Variants in ADGRL3 observed in about 807,000 individuals in gnomAD.
The protein encoded by ADGRL3 is adhesion G protein-coupled receptor L3, also known as calcium-independent alpha-latrotoxin receptor 3.
ADGRL3 carries 62 observed loss-of-function variants against 153.5 expected under a neutral mutation model. That is an observed-to-expected ratio of 0.40 (90% confidence interval 0.33 to 0.50). The LOEUF (loss-of-function observed/expected upper bound fraction) is 0.50, where lower values mean the gene tolerates loss of function less well. Among genes scored for constraint, ADGRL3 ranks in the 20% least tolerant of loss-of-function variants. The pLI is 0.47. For missense variants in ADGRL3, 1,641 were observed against 1,859.4 expected, an observed-to-expected ratio of 0.88 and a Z score of 2.16; for synonymous variants, 710 against 672.5, an observed-to-expected ratio of 1.06 and a Z score of -0.86.
intron 25 of ADGRL3, among the ~76,000 whole-genome samples, chr4:62,055,254 A>G (rs1299264229): frequency 2.6e-5 from 4 of 151,820 alleles, no homozygotes; most frequent in Non-Finnish European, 5.9e-5. Context: ...CAGAGGCAAC[A>G]CCTCTGAAAT....
chr4:61,574,866 G>A (rs996328511), intron 4 of ADGRL3, among the ~76,000 whole-genome samples: 73 of 151,594 alleles, frequency 4.8e-4, no homozygotes, highest in African/African-American at 1.4e-3. Context: ...AGAGAAATTG[G>A]CTAATTTATA....
At chr4:61,663,696 T>C (rs1472540441) in intron 5 of ADGRL3, among the ~76,000 whole-genome samples, 1 of 152,154 alleles carries the variant, frequency 6.6e-6, no homozygotes, top group Admixed American at 6.5e-5. Context: ...ACATCCCACG[T>C]CTCCTGTGAC....
At chr4:61,301,766 A>G (rs1366172450) in intron 1 of ADGRL3, among the ~76,000 whole-genome samples, 3 of 152,224 alleles carry the variant, frequency 2.0e-5, no homozygotes, top group Non-Finnish European at 2.9e-5. Context: ...ACAAATTTCA[A>G]TTTGTCCATG....
chr4:61,457,277 G>A (rs1056230928), intron 2 of ADGRL3, among the ~76,000 whole-genome samples: 9 of 151,586 alleles, frequency 5.9e-5, no homozygotes, highest in African/African-American at 1.5e-4. Context: ...AAATATTTAG[G>A]GGCTGGCATC....
intron 3 of ADGRL3, among the ~76,000 whole-genome samples, chr4:61,503,631 AT>A (rs976200995): frequency 2.6e-5 from 4 of 152,080 alleles, no homozygotes; most frequent in African/African-American, 9.7e-5. Context: ...ATTAGAAGAC[AT>A]TTAGTTTTAA....
intron 9 of ADGRL3, among the ~76,000 whole-genome samples, chr4:61,855,716 A>G (rs1290724073): frequency 6.6e-6 from 1 of 151,420 alleles, no homozygotes; most frequent in African/African-American, 2.4e-5. Context: ...ATTAATGAAG[A>G]AAAAAAAATA....
chr4:61,835,224 TTTTCCAAAACGA>T (rs2097917460), intron 9 of ADGRL3, among the ~76,000 whole-genome samples: 3 of 151,822 alleles, frequency 2.0e-5, no homozygotes, highest in Non-Finnish European at 4.4e-5. Flanking sequence ...ACAGGGTTTT[TTTTCCAAAACGA>T]GTTCTGCGGC....
chr4:61,657,426 T>C (rs1306934424), intron 5 of ADGRL3, among the ~76,000 whole-genome samples: 4 of 151,782 alleles, frequency 2.6e-5, no homozygotes, highest in African/African-American at 4.9e-5. Context: ...AATGTTTATT[T>C]ATCATTTCAT....
At chr4:61,941,327 T>G (rs2098892380) in intron 15 of ADGRL3, among the ~76,000 whole-genome samples, 1 of 119,938 alleles carries the variant, frequency 8.3e-6, no homozygotes, top group Non-Finnish European at 1.7e-5. Flanking sequence ...CTGTTTTGGT[T>G]ACTGTAGCCT....
rs79403202 is a variant in ADGRL3, at chr4:61,822,306, G to A, written c.1480+8417G>A. The stretch of plus-strand genomic sequence containing the variant: ...AGAGTATAGCTTGTTAATATTAACG[G>A]TAAAGACAATTCCCATTTATTAAGT... On this transcript the variant is annotated intron_variant, in intron 9 of 26. Coordinates refer to ENST00000683033, the MANE Select transcript of ADGRL3 (RefSeq NM_001387552.1). Among the ~76,000 whole-genome samples, 1,108 of 152,228 alleles carry A rather than the reference G, an allele frequency of 7.3e-3. 4 individuals carry two copies. The highest frequency in any genetic ancestry group is 0.012 in the Non-Finnish European group (828 of 68,008).
At chr4:61,451,014 AAGTT>A (rs1311272061) in intron 2 of ADGRL3, among the ~76,000 whole-genome samples, 18 of 152,246 alleles carry the variant, frequency 1.2e-4, no homozygotes, top group Admixed American at 1.2e-3. Flanking sequence ...AGATGAAAAA[AAGTT>A]AGTAACCATT....
chr4:61,446,038 T>C (rs1222720763), intron 2 of ADGRL3, among the ~76,000 whole-genome samples: 2 of 152,132 alleles, frequency 1.3e-5, no homozygotes, highest in Non-Finnish European at 2.9e-5. Context: ...ACAGCCTAGA[T>C]GTTTAGTAGG....
chr4:61,919,653 C>G (rs1251737095), intron 13 of ADGRL3, among the ~76,000 whole-genome samples: 1 of 152,088 alleles, frequency 6.6e-6, no homozygotes, highest in African/African-American at 2.4e-5. Flanking sequence ...GTAATTCATA[C>G]AGGTATTATT....
chr4:61,895,911 A>C (rs1245246190), intron 11 of ADGRL3, 77 bp downstream of exon 11: 1 of 744,044 alleles, frequency 1.3e-6, no homozygotes. Context: ...TGGAAAAAAA[A>C]CAGTCAAGAA....
intron 6 of ADGRL3, among the ~76,000 whole-genome samples, chr4:61,721,172 T>A (rs534340203): frequency 6.6e-6 from 1 of 152,126 alleles, no homozygotes; most frequent in Non-Finnish European, 1.5e-5. Flanking sequence ...ATAGGATAGA[T>A]GTATATGTGA....
intron 4 of ADGRL3, among the ~76,000 whole-genome samples, chr4:61,538,964 C>T (rs1436036473): frequency 6.6e-6 from 1 of 152,180 alleles, no homozygotes; most frequent in Non-Finnish European, 1.5e-5. Context: ...TTTCCTATTA[C>T]ATCCCTGTCA....
intron 4 of ADGRL3, among the ~76,000 whole-genome samples, chr4:61,577,677 G>T (rs183347775): frequency 2.0e-5 from 3 of 151,898 alleles, no homozygotes; most frequent in Admixed American, 6.6e-5. Flanking sequence ...GCCAGGCATG[G>T]TGGCGCATGG....
At chr4:61,769,752 G>A (rs980458371) in intron 8 of ADGRL3, among the ~76,000 whole-genome samples, 10 of 151,548 alleles carry the variant, frequency 6.6e-5, no homozygotes, top group East Asian at 2.0e-4. Flanking sequence ...GGGGTTGCAA[G>A]GTGCTCAGTG....
chr4:61,580,259 A>G (rs1199457574), intron 4 of ADGRL3, among the ~76,000 whole-genome samples: 1 of 151,992 alleles, frequency 6.6e-6, no homozygotes, highest in Non-Finnish European at 1.5e-5. Flanking sequence ...TTTATTTTTT[A>G]ATTTTCAAAA....
Sources: allele counts gnomAD v4.1 joint callset (sites outside exome capture counted in the v4.1 genomes callset), GRCh38; gene constraint gnomAD v4.1.1; transcripts MANE v1.5; gene names NCBI Gene and HGNC (gene_info 2026-07-23, HGNC 2026-07-21).